The following FRAS1 variants were observed in gnomAD, a reference collection of about 807,000 sequenced individuals.
FRAS1 encodes Fraser extracellular matrix complex subunit 1.
FRAS1 carries 290 observed loss-of-function variants against 435.2 expected under a neutral mutation model. That is an observed-to-expected ratio of 0.67 (90% CI 0.61 to 0.73). The LOEUF is 0.73. Ranked by LOEUF, FRAS1 falls within the 30% of genes least tolerant of loss-of-function variation. The pLI, the probability that FRAS1 is intolerant of heterozygous loss-of-function variation, is 0.00. For missense variants in FRAS1, 4,860 were observed against 5,001.5 expected, an observed-to-expected ratio of 0.97 and a Z score of 0.85; for synonymous variants, 1,800 against 1,851.0, an observed-to-expected ratio of 0.97 and a Z score of 0.71.
At chr4:78,323,550 T>C (rs776102498) in intron 18 of FRAS1, among the ~76,000 whole-genome samples, 1 of 152,244 alleles carries the variant, frequency 6.6e-6, no homozygotes, top group Non-Finnish European at 1.5e-5. Context: ...CTTCCTTCAC[T>C]GATTCCCATG....
rs948860016 is a variant in FRAS1, at chr4:78,413,043, T to C, written c.4383T>C (p.Pro1461=). 3 of 1,611,796 alleles carry C rather than the reference T, an allele frequency of 1.9e-6. No individual in the cohort carries two copies. The highest frequency in any genetic ancestry group is 1.7e-5 in the Admixed American group (1 of 59,802). The part of the protein sequence containing the change: ...MFNIAILPQT[P]EAPKVSLEAS... The stretch of plus-strand genomic sequence containing the variant: ...ACATCGCGATCTTACCACAGACACC[T>C]GAAGCACCTAAAGTGTCTCTGGAAG... Residue 1461 remains proline (P), a synonymous_variant, in exon 32 of 74, where the codon CCT becomes CCC. Coordinates refer to ENST00000512123, the MANE Select transcript of FRAS1 (RefSeq NM_025074.7).
At chr4:78,077,702 T>C (rs1740712177) in intron 2 of FRAS1, among the ~76,000 whole-genome samples, 1 of 152,190 alleles carries the variant, frequency 6.6e-6, no homozygotes, top group East Asian at 1.9e-4. Context: ...TATTTGTCTG[T>C]CTGTGTCTCA....
intron 14 of FRAS1, among the ~76,000 whole-genome samples, chr4:78,292,195 C>G (rs564328372): frequency 6.6e-6 from 1 of 152,246 alleles, no homozygotes; most frequent in South Asian, 2.1e-4. Flanking sequence ...CCATTAATGT[C>G]TCATCTAAAT....
chr4:78,319,806 T>A (rs1729427480), intron 18 of FRAS1, among the ~76,000 whole-genome samples: 1 of 152,218 alleles, frequency 6.6e-6, no homozygotes, highest in Admixed American at 6.5e-5. Context: ...GGCCTCCAAT[T>A]CAATATACCC....
chr4:78,278,808 A>G (rs557385267), intron 10 of FRAS1, 64 bp downstream of exon 10: 3 of 946,834 alleles, frequency 3.2e-6, no homozygotes, highest in East Asian at 4.8e-5. Context: ...TAATGAGGGA[A>G]CATTACCTTC....
intron 33 of FRAS1, among the ~76,000 whole-genome samples, chr4:78,420,271 A>C (rs1014915041): frequency 1.1e-4 from 17 of 152,218 alleles, no homozygotes; most frequent in African/African-American, 4.1e-4. Flanking sequence ...AAAGTCTAAA[A>C]GTCATCCCTC....
At chr4:78,518,450 A>ATATATATTTATTTATT (rs1487744216) in intron 66 of FRAS1, among the ~76,000 whole-genome samples, 8 of 69,332 alleles carry the variant, frequency 1.2e-4, no homozygotes, top group African/African-American at 3.0e-4. Flanking sequence ...ATATATATAT[A>ATATATATTTATTTATT]TATTTATTTA....
At position 78,400,898 on chromosome 4, in the gene FRAS1, T is replaced by C; in HGVS notation, c.4129+11T>C. 1 of 1,613,058 alleles carries C rather than the reference T, an allele frequency of 6.2e-7. No individual in the cohort carries two copies. On this transcript the variant is annotated intron_variant, in intron 30 of 73. Coordinates refer to ENST00000512123, the MANE Select transcript of FRAS1 (RefSeq NM_025074.7). ...ACTACCCCCAGTTTGGTAACTATTT[T>C]TTCCTTTGGCGTGGTTTCATCGTTG...
chr4:78,455,979 G>A (rs1719180970), intron 47 of FRAS1, among the ~76,000 whole-genome samples: 1 of 152,140 alleles, frequency 6.6e-6, no homozygotes, highest in Non-Finnish European at 1.5e-5. Flanking sequence ...GCTCAGGGGT[G>A]TGAGGTGGCT....
At chr4:78,204,755 A>C (rs1339270414) in intron 2 of FRAS1, among the ~76,000 whole-genome samples, 1 of 152,246 alleles carries the variant, frequency 6.6e-6, no homozygotes, top group African/African-American at 2.4e-5. Context: ...AAAATTCAAA[A>C]TGTTATGTCT....
intron 2 of FRAS1, among the ~76,000 whole-genome samples, chr4:78,137,352 T>C (rs10004159): frequency 0.16 from 24,852 of 152,214 alleles, 2,217 homozygotes; most frequent in Admixed American, 0.2. Flanking sequence ...TTTAATCATA[T>C]ATGTATATTT....
chr4:78,298,698 C>T (rs868276045), intron 14 of FRAS1, among the ~76,000 whole-genome samples: 28 of 152,260 alleles, frequency 1.8e-4, no homozygotes, highest in Admixed American at 5.2e-4. Flanking sequence ...TGAGTTGTTT[C>T]CATGTAGAAG....
chr4:78,286,055 C>T (rs1328403242), intron 13 of FRAS1, among the ~76,000 whole-genome samples: 1 of 150,676 alleles, frequency 6.6e-6, no homozygotes, highest in Non-Finnish European at 1.5e-5. Context: ...AGGAAAAGAA[C>T]ATAGACTCCT....
chr4:78,391,613 G>A (rs929481416), intron 29 of FRAS1, among the ~76,000 whole-genome samples: 2 of 151,810 alleles, frequency 1.3e-5, no homozygotes, highest in Non-Finnish European at 2.9e-5. Context: ...TTTCCACTCT[G>A]GCAATACATC....
At chr4:78,138,442 A>T (rs945383277) in intron 2 of FRAS1, among the ~76,000 whole-genome samples, 1 of 152,216 alleles carries the variant, frequency 6.6e-6, no homozygotes, top group Non-Finnish European at 1.5e-5. Flanking sequence ...TATTACTGAT[A>T]AGCCTGGACT....
rs1483316468 is a variant in FRAS1 at position 78,114,034 on chromosome 4, G to A, written c.108+48018G>A. ...GGTGTAAGGAAGGGATCTAGTTTCAGCTTTCTATATATGGCTAGCCAGTTT... is the reference window on the plus strand; with the variant it reads ...GGTGTAAGGAAGGGATCTAGTTTCAACTTTCTATATATGGCTAGCCAGTTT... On this transcript the variant is annotated intron_variant, in intron 2 of 73. Transcript: ENST00000512123. 5.9e-5 allele frequency among the ~76,000 whole-genome samples: 9 copies of A among 152,278 alleles called. No homozygotes were observed. The South Asian group carries it at 1.9e-3, about 32-fold the overall frequency.
At chr4:78,518,448 A>G (rs900146653) in intron 66 of FRAS1, among the ~76,000 whole-genome samples, 3 of 135,868 alleles carry the variant, frequency 2.2e-5, no homozygotes, top group Admixed American at 2.1e-4. Flanking sequence ...ATATATATAT[A>G]TATATTTATT....
At position 78,421,895 on chromosome 4, in the gene FRAS1, C is replaced by T. The variant is rs376920344; in HGVS notation, c.4573C>T (p.Pro1525Ser). 1 of 1,613,800 alleles carries T rather than the reference C, an allele frequency of 6.2e-7. No homozygotes were observed. Among genetic ancestry groups the T allele is most frequent in the Non-Finnish European group, 8.5e-7 (1 of 1,179,842 alleles). ...CGAGCACCGGGACCACCCTCACTCT[C>T]CTATCCGGTATTTCACGCAAGAGGA... is the stretch of plus-strand genomic sequence containing the variant. ...IIEHRDHPHS[P>S]IRYFTQEDIN... The change falls in exon 34 of 74, where the codon CCT becomes TCT. Residue 1525 changes from proline to serine, a missense_variant. By Grantham distance (74) the Pro-to-Ser change is moderately conservative. Coordinates refer to ENST00000512123, the MANE Select transcript of FRAS1 (RefSeq NM_025074.7).
At chr4:78,498,097 C>T (rs781567075) in intron 60 of FRAS1, among the ~76,000 whole-genome samples, 15 of 152,084 alleles carry the variant, frequency 9.9e-5, no homozygotes, top group African/African-American at 3.1e-4. Context: ...TTGACAGGGA[C>T]GGGGGCCTGG....
Sources: gnomAD v4.1 joint callset for allele counts (sites outside exome capture counted in the v4.1 genomes callset) on GRCh38, gnomAD v4.1.1 for gene constraint, MANE v1.5 for transcripts, NCBI Gene and HGNC (gene_info 2026-07-23, HGNC 2026-07-21) for gene names.